TENM2: variants seen among roughly 807,000 people sequenced by gnomAD.
The protein encoded by TENM2 is teneurin-2.
Under a neutral mutation model 245.2 loss-of-function variants are expected in TENM2, and 52 were observed. The ratio of observed to expected loss-of-function variants is 0.21; its 90% CI spans 0.17 to 0.27. TENM2 has a LOEUF of 0.27. TENM2 is among the 10% of genes least tolerant of loss of function. The probability of loss-of-function intolerance (pLI) is 1.00; values close to 1 mark genes in which losing one functional copy is unlikely to be tolerated. For synonymous variants in TENM2, 1,363 were observed against 1,438.9 expected (o/e 0.95, Z 1.19); for missense variants, 3,046 against 3,666.8 (o/e 0.83, Z 4.37).
intron 10 of TENM2, among the ~76,000 whole-genome samples, chr5:168,119,683 G>C (rs1795334954): frequency 6.6e-6 from 1 of 152,118 alleles, no homozygotes; most frequent in Non-Finnish European, 1.5e-5. Flanking sequence ...TCCAGCTGAG[G>C]CTCCTTTTCT....
chr5:167,185,103 A>G, the TENM2 span, among the ~76,000 whole-genome samples: 1 of 152,134 alleles, frequency 6.6e-6, no homozygotes, highest in African/African-American at 2.4e-5. Context: ...GTTCATACAC[A>G]CATATGTTAG....
intron 3 of TENM2, among the ~76,000 whole-genome samples, chr5:167,924,264 G>A (rs1025128364): frequency 6.6e-6 from 1 of 152,176 alleles, no homozygotes; most frequent in Non-Finnish European, 1.5e-5. Flanking sequence ...CAGATGACAC[G>A]CAAAGTGCTC....
chr5:167,224,384 T>C, the TENM2 span, among the ~76,000 whole-genome samples: 21 of 152,030 alleles, frequency 1.4e-4, no homozygotes, highest in African/African-American at 5.1e-4. Flanking sequence ...GAGATAGGTG[T>C]TGAGTCTCAT....
At chr5:167,879,078 C>T (rs1234963767) in intron 3 of TENM2, among the ~76,000 whole-genome samples, 12 of 152,100 alleles carry the variant, frequency 7.9e-5, no homozygotes, top group Non-Finnish European at 1.0e-4. Flanking sequence ...AATTCCTTCC[C>T]GAGGAGCACC....
intron 2 of TENM2, among the ~76,000 whole-genome samples, chr5:167,792,527 G>A (rs918243628): frequency 2.0e-5 from 3 of 151,918 alleles, no homozygotes; most frequent in Non-Finnish European, 4.4e-5. Flanking sequence ...AGGGTTGCTC[G>A]AGACTTGAAG....
At chr5:167,370,960 A>G (rs967740903) in intron 1 of TENM2, among the ~76,000 whole-genome samples, 1 of 152,230 alleles carries the variant, frequency 6.6e-6, no homozygotes, top group South Asian at 2.1e-4. Context: ...TCAGTCTCCC[A>G]TCGATGAGCA....
chr5:167,083,920 G>A, the TENM2 span, among the ~76,000 whole-genome samples: 8 of 152,154 alleles, frequency 5.3e-5, no homozygotes, highest in African/African-American at 1.9e-4. Flanking sequence ...ATGCATGTGT[G>A]TTCAAAGTTA....
intron 1 of TENM2, among the ~76,000 whole-genome samples, chr5:167,354,100 A>G (rs1016394233): frequency 5.3e-5 from 8 of 152,222 alleles, no homozygotes; most frequent in African/African-American, 1.9e-4. Flanking sequence ...CTGTGTGTTT[A>G]TTGAGCAACT....
At chr5:167,114,705 A>G in the TENM2 span, among the ~76,000 whole-genome samples, 1 of 152,226 alleles carries the variant, frequency 6.6e-6, no homozygotes, top group Non-Finnish European at 1.5e-5. Flanking sequence ...CCTCAACAGC[A>G]TGTGTATTGT....
At chr5:167,994,526 G>C (rs1347307051) in intron 5 of TENM2, among the ~76,000 whole-genome samples, 2 of 152,208 alleles carry the variant, frequency 1.3e-5, no homozygotes, top group African/African-American at 4.8e-5. Flanking sequence ...CCTGCCTAAG[G>C]CAGACCAATA....
intron 2 of TENM2, among the ~76,000 whole-genome samples, chr5:167,780,460 C>T (rs1171616540): frequency 1.3e-5 from 2 of 152,166 alleles, no homozygotes; most frequent in East Asian, 1.9e-4. Context: ...CTATTTAGTG[C>T]CATTTTTCCC....
At chr5:167,465,586 T>A (rs1698811693) in intron 2 of TENM2, among the ~76,000 whole-genome samples, 1 of 152,128 alleles carries the variant, frequency 6.6e-6, no homozygotes, top group Non-Finnish European at 1.5e-5. Context: ...TCCCAGCGCT[T>A]TGGGAGGCCG....
At chr5:167,482,401 G>A (rs188743534) in intron 2 of TENM2, among the ~76,000 whole-genome samples, 1 of 152,098 alleles carries the variant, frequency 6.6e-6, no homozygotes, top group Admixed American at 6.5e-5. Context: ...CCTTTGGTGG[G>A]ATCATTGAAG....
At chr5:166,999,265 T>G in the TENM2 span, among the ~76,000 whole-genome samples, 5 of 152,152 alleles carry the variant, frequency 3.3e-5, no homozygotes. Context: ...TGACAGCCTT[T>G]GCTAATGTAT....
rs1244473865 is a variant in TENM2, at chr5:168,203,677, T to A, written c.3431-12T>A. Reference sequence around the variant, plus strand: ...TTTTCTCTCACTCTGCCCCACCCCTTTTATCTTTCAGTGTCTGTCGGGTTT... The same window carrying A: ...TTTTCTCTCACTCTGCCCCACCCCTATTATCTTTCAGTGTCTGTCGGGTTT... On this transcript the variant is annotated splice_polypyrimidine_tract_variant and intron_variant, in intron 17 of 28. Transcript: ENST00000518659. 1.3e-6 allele frequency: 2 copies of A among 1,590,946 alleles called. No homozygotes were observed. Among genetic ancestry groups the A allele is most frequent in the Non-Finnish European group, 1.7e-6 (2 of 1,163,496 alleles).
At chr5:167,603,576 A>C (rs375870754) in intron 2 of TENM2, among the ~76,000 whole-genome samples, 2 of 152,112 alleles carry the variant, frequency 1.3e-5, no homozygotes, top group East Asian at 3.9e-4. Context: ...AGCTACTCAG[A>C]AGGCAGGGGT....
rs1764787579 is a variant in TENM2, at chr5:167,439,953, A to G, written c.502+64480A>G. Among the ~76,000 whole-genome samples the G allele has an allele frequency of 2.0e-5, 3 of 152,224 alleles. 1 individual carries two copies. In the South Asian group the frequency reaches 6.2e-4, roughly 32 times the overall value. On this transcript the variant is annotated intron_variant, in intron 2 of 28. Transcript: ENST00000518659. ...CAATTCAAATTTAGTTATATAATAA[A>G]GGAATTATATAATTTAAACTGTTGA...
intron 2 of TENM2, among the ~76,000 whole-genome samples, chr5:167,512,107 T>G (rs1769998079): frequency 2.0e-5 from 3 of 152,188 alleles, no homozygotes; most frequent in Admixed American, 6.5e-5. Context: ...AGCAGTTGAA[T>G]ATCAATAAGA....
intron 2 of TENM2, among the ~76,000 whole-genome samples, chr5:167,577,325 C>T (rs1236529446): frequency 2.0e-5 from 3 of 152,184 alleles, no homozygotes; most frequent in African/African-American, 7.2e-5. Context: ...GGAGAGCTTT[C>T]GGTTTTCTTA....
Sources: allele counts gnomAD v4.1 joint callset (sites outside exome capture counted in the v4.1 genomes callset), GRCh38; gene constraint gnomAD v4.1.1; transcripts MANE v1.5; gene names NCBI Gene and HGNC (gene_info 2026-07-23, HGNC 2026-07-21).